TBC1D19: variants seen among roughly 807,000 people sequenced by gnomAD.
The protein encoded by TBC1D19 is TBC1 domain family, member 19.
TBC1D19 carries 60 observed loss-of-function variants against 89.0 expected under a neutral mutation model. The observed-to-expected ratio is 0.67, with a 90% confidence interval of 0.55 to 0.84. The LOEUF (loss-of-function observed/expected upper bound fraction) is 0.84, where lower values mean the gene tolerates loss of function less well. Ranked by LOEUF, TBC1D19 falls within the 40% of genes least tolerant of loss-of-function variation. TBC1D19 has a pLI of 0.00. For missense variants in TBC1D19, 500 were observed against 610.8 expected, an observed-to-expected ratio of 0.82 and a Z score of 1.91; for synonymous variants, 189 against 199.7, an observed-to-expected ratio of 0.95 and a Z score of 0.45.
chr4:26,794,351 A>G, the TBC1D19 span, among the ~76,000 whole-genome samples: 1 of 152,138 alleles, frequency 6.6e-6, no homozygotes, highest in Non-Finnish European at 1.5e-5. Flanking sequence ...TGAAATATAA[A>G]CCAATAAAAA....
At chr4:26,649,836 A>G (rs1463366659) in intron 7 of TBC1D19, among the ~76,000 whole-genome samples, 3 of 152,012 alleles carry the variant, frequency 2.0e-5, no homozygotes, top group Non-Finnish European at 4.4e-5. Context: ...AACATTAGGT[A>G]TATCTCCTAA....
chr4:26,643,051 T>A (rs2110083804), intron 7 of TBC1D19, among the ~76,000 whole-genome samples: 1 of 152,322 alleles, frequency 6.6e-6, no homozygotes, highest in African/African-American at 2.4e-5. Context: ...ATCCAGGACT[T>A]GATCTCAGCT....
the TBC1D19 span, among the ~76,000 whole-genome samples, chr4:26,841,129 C>A: frequency 6.6e-6 from 1 of 152,178 alleles, no homozygotes; most frequent in African/African-American, 2.4e-5. Flanking sequence ...GTAATCCCAG[C>A]ACTTTTGGAG....
At chr4:26,662,559 TC>T (rs1175774519) in intron 8 of TBC1D19, among the ~76,000 whole-genome samples, 4 of 152,138 alleles carry the variant, frequency 2.6e-5, no homozygotes, top group African/African-American at 9.7e-5. Context: ...GATGTGGCTG[TC>T]CAGTGAAAAG....
the TBC1D19 span, among the ~76,000 whole-genome samples, chr4:26,803,846 G>T: frequency 3.5e-5 from 5 of 144,378 alleles, no homozygotes; most frequent in African/African-American, 7.6e-5. Context: ...TTGCATTTTT[G>T]ATTTTGCAGG....
intron 10 of TBC1D19, among the ~76,000 whole-genome samples, chr4:26,673,446 T>TATATAC (rs373807642): frequency 2.2e-5 from 2 of 90,884 alleles, no homozygotes; most frequent in African/African-American, 4.3e-5. Context: ...TATATATATA[T>TATATAC]ACACACACAC....
the TBC1D19 span, among the ~76,000 whole-genome samples, chr4:26,841,748 C>T: frequency 6.6e-6 from 1 of 152,164 alleles, no homozygotes; most frequent in African/African-American, 2.4e-5. Context: ...TTTCTTTCTC[C>T]TTTTAGCTTC....
At chr4:26,580,552 G>A (rs566315487), upstream of TBC1D19, among the ~76,000 whole-genome samples, 16 of 152,310 alleles carry the variant, frequency 1.1e-4, 1 homozygote, top group South Asian at 2.7e-3. Flanking sequence ...ATATGACCTC[G>A]TTTGTTCCCA....
the TBC1D19 span, among the ~76,000 whole-genome samples, chr4:26,814,155 C>T: frequency 6.6e-6 from 1 of 152,196 alleles, no homozygotes; most frequent in Non-Finnish European, 1.5e-5. Flanking sequence ...ATAACAGATA[C>T]ATTGGTAGAC....
chr4:26,643,689 TAAAG>T (rs769354108), intron 7 of TBC1D19, among the ~76,000 whole-genome samples: 5 of 151,406 alleles, frequency 3.3e-5, no homozygotes, highest in Admixed American at 6.6e-5. Flanking sequence ...GCAAAACTAA[TAAAG>T]AAGAAAAGAG....
intron 11 of TBC1D19, among the ~76,000 whole-genome samples, chr4:26,681,676 G>C (rs1035868365): frequency 1.3e-5 from 2 of 152,170 alleles, no homozygotes; most frequent in Non-Finnish European, 2.9e-5. Flanking sequence ...CAAACAACCT[G>C]AGTATCCATC....
In TBC1D19 at chr4:26,700,542, C is replaced by G. The variant is rs539760374; in HGVS notation, c.954+12135C>G. 1.6e-4 allele frequency among the ~76,000 whole-genome samples: 24 copies of G among 150,110 alleles called. No individual in the cohort carries two copies. The South Asian group carries it at 4.8e-3, about 30-fold the overall frequency. On this transcript the variant is annotated intron_variant, in intron 13 of 20. Transcript: ENST00000264866. ...TGTCTTTATGTAGATATCAGAGGTACAAAAAAAAAGTTTGTATGATTTGCC... is the reference window on the plus strand; with the variant it reads ...TGTCTTTATGTAGATATCAGAGGTAGAAAAAAAAAGTTTGTATGATTTGCC...
the TBC1D19 span, among the ~76,000 whole-genome samples, chr4:26,833,544 G>A: frequency 6.6e-6 from 1 of 152,176 alleles, no homozygotes; most frequent in African/African-American, 2.4e-5. Flanking sequence ...CATTCAGTCA[G>A]TAGCAGTAAA....
At chr4:26,644,227 G>C (rs536892911) in intron 7 of TBC1D19, among the ~76,000 whole-genome samples, 1 of 152,092 alleles carries the variant, frequency 6.6e-6, no homozygotes, top group African/African-American at 2.4e-5. Context: ...TATCCACCAA[G>C]ATCAAGTCGG....
intron 7 of TBC1D19, among the ~76,000 whole-genome samples, chr4:26,652,525 G>A (rs1343200314): frequency 2.0e-5 from 3 of 152,144 alleles, no homozygotes; most frequent in Non-Finnish European, 4.4e-5. Flanking sequence ...ACAGGCGTGA[G>A]CCACCGCACC....
At chr4:26,664,150 A>C (rs912450096) in intron 8 of TBC1D19, among the ~76,000 whole-genome samples, 1 of 152,190 alleles carries the variant, frequency 6.6e-6, no homozygotes, top group African/African-American at 2.4e-5. Context: ...GTAAAAATAC[A>C]GTTTCAATAT....
intron 3 of TBC1D19, among the ~76,000 whole-genome samples, chr4:26,616,312 A>G (rs1577808286): frequency 6.6e-6 from 1 of 152,138 alleles, no homozygotes; most frequent in Non-Finnish European, 1.5e-5. Flanking sequence ...ATTCTTCTCA[A>G]ATTTAAAAGT....
the TBC1D19 span, among the ~76,000 whole-genome samples, chr4:26,783,458 G>A: frequency 6.6e-6 from 1 of 152,114 alleles, no homozygotes; most frequent in Admixed American, 6.5e-5. Flanking sequence ...AAAATGTTTG[G>A]TTTCAGATTG....
Position 26,720,144 on chromosome 4 carries a change from CT to C in TBC1D19, c.1084+21del. On this transcript the variant is annotated intron_variant, in intron 15 of 20. Transcript: ENST00000264866. ...CCAAATGGTAAGAGTAATGCTATTG[CT>C]TCCTCTAGTGGGAAGTGAAAAAATT... The C allele has an allele frequency of 6.4e-7, 1 of 1,572,810 alleles. No homozygotes were observed. Among genetic ancestry groups the C allele is most frequent in the South Asian group, 1.2e-5 (1 of 83,770 alleles).
Sources: gnomAD v4.1 joint callset for allele counts (sites outside exome capture counted in the v4.1 genomes callset) on GRCh38, gnomAD v4.1.1 for gene constraint, MANE v1.5 for transcripts, NCBI Gene and HGNC (gene_info 2026-07-23, HGNC 2026-07-21) for gene names.